The following SGSM1 variants were observed in gnomAD, a reference collection of about 807,000 sequenced individuals.
The protein encoded by SGSM1 is small G protein signaling modulator 1, also known as RUN and TBC1 domain containing 2.
SGSM1 carries 73 observed loss-of-function variants against 133.8 expected under a neutral mutation model. The observed-to-expected ratio is 0.55, with a 90% confidence interval of 0.45 to 0.66. The LOEUF is 0.66. Among genes scored for constraint, SGSM1 ranks in the 30% least tolerant of loss-of-function variants. The pLI, the probability that SGSM1 is intolerant of heterozygous loss-of-function variation, is 0.00. For missense variants in SGSM1, 1,213 were observed against 1,448.1 expected, an observed-to-expected ratio of 0.84 and a Z score of 2.64; for synonymous variants, 563 against 573.0, an observed-to-expected ratio of 0.98 and a Z score of 0.25.
At chr22:24,810,707 G>A (rs1476737124) in intron 2 of SGSM1, among the ~76,000 whole-genome samples, 3 of 152,260 alleles carry the variant, frequency 2.0e-5, no homozygotes, top group Non-Finnish European at 4.4e-5. Flanking sequence ...AGGGAGATGA[G>A]GCAGGTCCTG....
Position 24,820,067 on chromosome 22 carries a change from G to A in SGSM1, c.63+13583G>A, listed in dbSNP as rs538796588. Among the ~76,000 whole-genome samples the A allele has an allele frequency of 2.5e-3, 378 of 152,182 alleles. 1 individual carries two copies. The highest frequency in any genetic ancestry group is 8.8e-3 in the African/African-American group (365 of 41,532). On this transcript the variant is annotated intron_variant, in intron 2 of 24. Transcript: ENST00000400358. Reference sequence around the variant, plus strand: ...GTGGGCAGGCACCCAGGAGGAGGCTGGCCAGTCTCCAGGGTGTGGGCTGGG... The same window carrying A: ...GTGGGCAGGCACCCAGGAGGAGGCTAGCCAGTCTCCAGGGTGTGGGCTGGG...
chr22:24,886,817 C>A, intron 16 of SGSM1, 89 bp downstream of exon 16: 1 of 1,429,646 alleles, frequency 7.0e-7, no homozygotes, highest in Non-Finnish European at 9.3e-7. Context: ...CACGCTGGAC[C>A]AAGGAAGGGG....
At chr22:24,845,711 T>C (rs1004389563) in intron 3 of SGSM1, among the ~76,000 whole-genome samples, 1 of 152,136 alleles carries the variant, frequency 6.6e-6, no homozygotes, top group Non-Finnish European at 1.5e-5. Flanking sequence ...GCCGTCCAAA[T>C]GGCTGGGGGC....
chr22:24,909,280 C>T (rs1335066563), intron 21 of SGSM1, among the ~76,000 whole-genome samples: 1 of 152,036 alleles, frequency 6.6e-6, no homozygotes, highest in East Asian at 1.9e-4. Flanking sequence ...CATCGTTACT[C>T]ATTAGGAAAA....
rs372441360 is a variant in SGSM1 at position 24,886,710 on chromosome 22, G to A, written c.1752G>A (p.Thr584=). ...TGGGCCACTACCAGTTCGGGATGAC[G>A]GAAACAGAAAGGAAAGAGGTCGGTT... ...FLLGHYQFGM[T]ETERKEVDEQ... Residue 584 remains threonine, a synonymous_variant, in exon 16 of 25, where the codon ACG becomes ACA. Coordinates refer to ENST00000400358, the MANE Select transcript of SGSM1 (RefSeq NM_001098497.3). 1.1e-4 allele frequency: 169 copies of A among 1,584,194 alleles called. No homozygotes were observed. The highest frequency in any genetic ancestry group is 1.3e-4 in the Non-Finnish European group (157 of 1,165,616).
At chr22:24,819,003 C>G (rs57461995) in intron 2 of SGSM1, among the ~76,000 whole-genome samples, 43,066 of 151,528 alleles carry the variant, frequency 0.28, 6,762 homozygotes, top group East Asian at 0.59. Flanking sequence ...AAAATTAGCT[C>G]GGTGTGGCGG....
chr22:24,924,354 C>T lies in SGSM1; in HGVS notation c.*80C>T. ...TTACTTTTCCTCCTGGCTGGATGGG[C>T]ACCCCGGGAGCGGGGTCCTGGTGTC... is the stretch of plus-strand genomic sequence containing the variant. On this transcript the variant is annotated 3_prime_UTR_variant, in exon 25 of 25. Transcript: ENST00000400358. 7.7e-7 allele frequency: 1 copy of T among 1,293,000 alleles called. No homozygotes were observed. The highest frequency in any genetic ancestry group is 1.1e-6 in the Non-Finnish European group (1 of 900,278). 80.1% of individuals were successfully genotyped at this position (1,293,000 alleles called of 1,614,324 possible). A position where few individuals can be genotyped will look rare whatever the true frequency, so the allele number is the denominator to read the frequency against.
intron 4 of SGSM1, 41 bp from the exon 5 acceptor site, chr22:24,850,239 C>T: frequency 6.6e-7 from 1 of 1,525,986 alleles, no homozygotes; most frequent in East Asian, 2.5e-5. Context: ...TGTAGATTTG[C>T]TCTTGTGAGT....
intron 2 of SGSM1, among the ~76,000 whole-genome samples, chr22:24,831,790 C>T (rs868441633): frequency 7.9e-5 from 12 of 152,374 alleles, no homozygotes; most frequent in Middle Eastern, 6.8e-3. Context: ...CTCAACCAGG[C>T]CGTCCTGTAA....
chr22:24,856,857 C>G lies in SGSM1; in HGVS notation c.801+1177C>G, dbSNP rs1488204430. Among the ~76,000 whole-genome samples, 2 of 151,660 alleles carry G rather than the reference C, an allele frequency of 1.3e-5. 1 individual carries two copies. Among genetic ancestry groups the G allele is most frequent in the Non-Finnish European group, 2.9e-5 (2 of 67,926 alleles). On this transcript the variant is annotated intron_variant, in intron 8 of 24. Transcript: ENST00000400358. ...GATTTCAGCTCACTGCAAGCTCCAC[C>G]TCCCAGGTTCACACCATTCTCCTGC...
intron 20 of SGSM1, among the ~76,000 whole-genome samples, chr22:24,903,742 C>A (rs1022883259): frequency 6.6e-6 from 1 of 152,086 alleles, no homozygotes; most frequent in East Asian, 1.9e-4. Flanking sequence ...GAGGTCGAGG[C>A]GGCCAGATCA....
chr22:24,892,160 G>T (rs1316283314), intron 16 of SGSM1, among the ~76,000 whole-genome samples: 2 of 152,140 alleles, frequency 1.3e-5, no homozygotes, highest in African/African-American at 2.4e-5. Flanking sequence ...GATGGCACTG[G>T]GAATTGGGAG....
At chr22:24,827,256 A>G (rs982816226) in intron 2 of SGSM1, among the ~76,000 whole-genome samples, 3 of 152,154 alleles carry the variant, frequency 2.0e-5, no homozygotes, top group Admixed American at 6.5e-5. Context: ...GGGCAGGCCC[A>G]GGAGACCCAG....
Position 24,868,391 on chromosome 22 carries a change from C to T in SGSM1, c.1010C>T (p.Thr337Ile), listed in dbSNP as rs754193291. 6.8e-6 allele frequency: 11 copies of T among 1,611,080 alleles called. No individual in the cohort carries two copies. Among genetic ancestry groups the T allele is most frequent in the Non-Finnish European group, 8.5e-6 (10 of 1,177,904 alleles). The change falls in exon 11 of 25, where the codon ACA (threonine) becomes ATA (isoleucine). Residue 337 changes from threonine to isoleucine, a missense_variant. Coordinates refer to ENST00000400358, the MANE Select transcript of SGSM1 (RefSeq NM_001098497.3). ...HCHQQVDSGG[T>I]VVLVSQDGIQ... The stretch of plus-strand genomic sequence containing the variant: ...GTGGCGGCAGTTGACAGCGGCGGGA[C>T]AGTGGTATTGGTCAGCCAGGACGGG...
chr22:24,877,356 C>T (rs746983417), intron 13 of SGSM1, among the ~76,000 whole-genome samples: 1 of 152,110 alleles, frequency 6.6e-6, no homozygotes, highest in African/African-American at 2.4e-5. Flanking sequence ...GAATGTGGCA[C>T]CTGCACATGG....
At chr22:24,889,625 C>T (rs1418664690) in intron 16 of SGSM1, among the ~76,000 whole-genome samples, 3 of 151,226 alleles carry the variant, frequency 2.0e-5, no homozygotes, top group Middle Eastern at 3.4e-3. Context: ...GGATTATAGG[C>T]GTGAGCCACC....
At chr22:24,829,376 T>A (rs568333758) in intron 2 of SGSM1, among the ~76,000 whole-genome samples, 1 of 151,978 alleles carries the variant, frequency 6.6e-6, no homozygotes, top group South Asian at 2.1e-4. Flanking sequence ...CACCAAGGCC[T>A]ATGGAAGGGT....
chr22:24,847,789 G>C lies in SGSM1; in HGVS notation c.295G>C (p.Glu99Gln), dbSNP rs199982249. 6.2e-7 allele frequency: 1 copy of C among 1,613,572 alleles called. No individual in the cohort carries two copies. The highest frequency in any genetic ancestry group is 8.5e-7 in the Non-Finnish European group (1 of 1,179,728). The change falls in exon 4 of 25, where the codon GAG becomes CAG. Residue 99 changes from glutamate (E) to glutamine (Q), a missense_variant. By Grantham distance (29) the Glu-to-Gln change is conservative. Transcript: ENST00000400358. ...GGTGCAAGACCTGGAGCAGCTGATC[G>C]AGAGCGCGTGAGTGCAAAGCATGGG... The part of the protein sequence containing the change: ...RKVQDLEQLI[E>Q]SARNQIQGLQ...
In SGSM1 at chr22:24,895,383, T is replaced by G. The variant is rs560637647; in HGVS notation, c.2022+92T>G. The G allele has an allele frequency of 6.1e-6, 8 of 1,312,320 alleles. No homozygotes were observed. In the African/African-American group the frequency reaches 1.0e-4, roughly 17 times the overall value. 81.3% of individuals were successfully genotyped at this position (1,312,320 alleles called of 1,614,324 possible). On this transcript the variant is annotated intron_variant, in intron 18 of 24. Coordinates refer to ENST00000400358, the MANE Select transcript of SGSM1 (RefSeq NM_001098497.3). ...TGGGTGTCCGTCATCTGTAGGTCAC[T>G]TTTTGCTTTATTTGTTTTAGCTTTT... is the stretch of plus-strand genomic sequence containing the variant.
Sources: allele counts gnomAD v4.1 joint callset (sites outside exome capture counted in the v4.1 genomes callset), GRCh38; gene constraint gnomAD v4.1.1; transcripts MANE v1.5; gene names NCBI Gene and HGNC (gene_info 2026-07-23, HGNC 2026-07-21).